DOK5: variants seen among roughly 807,000 people sequenced by gnomAD.
DOK5 encodes downstream of tyrosine kinase 5.
In DOK5, 27 loss-of-function variants were observed where a neutral mutation model predicts 43.3. That is an observed-to-expected ratio of 0.62 (90% CI 0.46 to 0.86). DOK5 has a LOEUF of 0.86. Ranked by LOEUF, DOK5 falls within the 40% of genes least tolerant of loss-of-function variation. The pLI is 0.00. For synonymous variants in DOK5, 146 were observed against 140.1 expected (o/e 1.04, Z -0.30); for missense variants, 373 against 392.9 (o/e 0.95, Z 0.43).
chr20:54,610,334 A>G (rs1986606908), intron 5 of DOK5, 54 bp from the exon 6 acceptor site: 2 of 1,438,478 alleles, frequency 1.4e-6, no homozygotes, highest in Non-Finnish European at 1.8e-6. Flanking sequence ...ATCTTGGTGC[A>G]TTGAACTTCT....
chr20:54,490,687 G>A (rs954199070), intron 1 of DOK5, among the ~76,000 whole-genome samples: 3 of 152,196 alleles, frequency 2.0e-5, no homozygotes, highest in Admixed American at 2.0e-4. Context: ...CCGTGTTCAA[G>A]CAATTCTCCT....
chr20:54,541,337 G>A (rs1411415275), intron 1 of DOK5, among the ~76,000 whole-genome samples: 1 of 152,080 alleles, frequency 6.6e-6, no homozygotes, highest in Non-Finnish European at 1.5e-5. Flanking sequence ...CCTGCCCTAC[G>A]GTACCTGAAG....
chr20:54,589,367 C>A (rs1985912588), intron 4 of DOK5, among the ~76,000 whole-genome samples: 1 of 152,002 alleles, frequency 6.6e-6, no homozygotes, highest in Admixed American at 6.6e-5. Flanking sequence ...ACTATTTCAC[C>A]AAATTTAAAC....
chr20:54,633,870 A>G (rs1978685988), intron 6 of DOK5, among the ~76,000 whole-genome samples: 1 of 152,208 alleles, frequency 6.6e-6, no homozygotes, highest in Non-Finnish European at 1.5e-5. Context: ...TATGGTACTC[A>G]TGATTGACTG....
At chr20:54,639,049 GTTGTGTTGGTTCCTAAGCAAT>G (rs1978985894) in intron 6 of DOK5, among the ~76,000 whole-genome samples, 1 of 152,168 alleles carries the variant, frequency 6.6e-6, no homozygotes, top group Non-Finnish European at 1.5e-5. Flanking sequence ...CAATATTAAG[GTTGTGTTGGTTCCTAAGCAAT>G]TTTTTCTAAG....
intron 1 of DOK5, among the ~76,000 whole-genome samples, chr20:54,487,186 A>G (rs544280992): frequency 5.1e-4 from 78 of 152,318 alleles, no homozygotes; most frequent in Non-Finnish European, 1.0e-3. Flanking sequence ...AGATAATTTT[A>G]GGGTAGTAAA....
chr20:54,587,448 G>A (rs769481482), intron 2 of DOK5, among the ~76,000 whole-genome samples: 1 of 152,094 alleles, frequency 6.6e-6, no homozygotes, highest in Non-Finnish European at 1.5e-5. Flanking sequence ...ATCATTGCAG[G>A]CAAAGATTGA....
intron 1 of DOK5, among the ~76,000 whole-genome samples, chr20:54,540,883 A>G (rs966767183): frequency 2.0e-5 from 3 of 148,704 alleles, no homozygotes; most frequent in African/African-American, 7.9e-5. Flanking sequence ...GGAAGATAAT[A>G]TTATTGTGTT....
intron 5 of DOK5, among the ~76,000 whole-genome samples, chr20:54,603,869 C>T (rs1314111724): frequency 6.6e-6 from 1 of 150,588 alleles, no homozygotes; most frequent in Admixed American, 6.6e-5. Context: ...GTTTTCTTGT[C>T]ATAGTGTTGT....
intron 1 of DOK5, among the ~76,000 whole-genome samples, chr20:54,544,641 A>T (rs1284131242): frequency 1.3e-5 from 2 of 152,176 alleles, no homozygotes; most frequent in Non-Finnish European, 2.9e-5. Context: ...GACATTTGGA[A>T]GCTAGGGTTT....
At chr20:54,617,416 G>A (rs918639929) in intron 6 of DOK5, among the ~76,000 whole-genome samples, 1 of 151,670 alleles carries the variant, frequency 6.6e-6, no homozygotes, top group South Asian at 2.1e-4. Flanking sequence ...CTGCAGCCTC[G>A]ACCTCCTCCC....
chr20:54,478,533 A>G (rs1047671004), intron 1 of DOK5, among the ~76,000 whole-genome samples: 8 of 152,208 alleles, frequency 5.3e-5, no homozygotes, highest in African/African-American at 1.9e-4. Context: ...AACCTTTAGG[A>G]ACTAATACAA....
At chr20:54,649,534 C>T (rs530032787) in intron 7 of DOK5, among the ~76,000 whole-genome samples, 7 of 152,296 alleles carry the variant, frequency 4.6e-5, no homozygotes, top group African/African-American at 1.7e-4. Flanking sequence ...ATTTACTCAC[C>T]AAGGCTGCGG....
intron 1 of DOK5, among the ~76,000 whole-genome samples, chr20:54,488,541 AT>A (rs1982031832): frequency 6.6e-6 from 1 of 151,808 alleles, no homozygotes; most frequent in Non-Finnish European, 1.5e-5. Flanking sequence ...TTCTATATAC[AT>A]TTTTTTCTTG....
At chr20:54,613,919 AG>A (rs1986726785) in intron 6 of DOK5, among the ~76,000 whole-genome samples, 1 of 151,922 alleles carries the variant, frequency 6.6e-6, no homozygotes, top group South Asian at 2.1e-4. Context: ...CTTTGGCCCC[AG>A]GAATTCAAGG....
intron 1 of DOK5, among the ~76,000 whole-genome samples, chr20:54,515,523 A>G (rs889149747): frequency 2.6e-5 from 4 of 152,206 alleles, no homozygotes; most frequent in African/African-American, 4.8e-5. Context: ...TAAGCCAAGG[A>G]CGTAGATATC....
At chr20:54,588,921 A>T in intron 4 of DOK5, 115 bp downstream of exon 4, 1 of 1,107,826 alleles carries the variant, frequency 9.0e-7, no homozygotes, top group East Asian at 2.6e-5. Context: ...GTATAAAGAA[A>T]TAAGTAATCT....
intron 6 of DOK5, among the ~76,000 whole-genome samples, chr20:54,616,797 T>TC (rs1181439944): frequency 6.9e-6 from 1 of 145,258 alleles, no homozygotes; most frequent in African/African-American, 2.6e-5. Flanking sequence ...TTTTTTTTTT[T>TC]TTTGTGTAGA....
At chr20:54,577,822 T>G (rs543159032) in intron 2 of DOK5, among the ~76,000 whole-genome samples, 1 of 152,244 alleles carries the variant, frequency 6.6e-6, no homozygotes, top group East Asian at 1.9e-4. Flanking sequence ...GAGTTGAAGC[T>G]CAAGGAGGGA....
Sources: gnomAD v4.1 joint callset for allele counts (sites outside exome capture counted in the v4.1 genomes callset) on GRCh38, gnomAD v4.1.1 for gene constraint, MANE v1.5 for transcripts, NCBI Gene and HGNC (gene_info 2026-07-23, HGNC 2026-07-21) for gene names.